The following ASIC2 variants were observed in gnomAD, a reference collection of about 807,000 sequenced individuals.
ASIC2 encodes the protein acid sensing ion channel subunit 2.
Under a neutral mutation model 57.3 loss-of-function variants are expected in ASIC2, and 25 were observed. The observed-to-expected ratio is 0.44, with a 90% CI of 0.32 to 0.61. The LOEUF is 0.61. ASIC2 is among the 20% of genes least tolerant of loss of function. The pLI is 0.06. For missense variants in ASIC2, 641 were observed against 738.1 expected, an observed-to-expected ratio of 0.87 and a Z score of 1.52; for synonymous variants, 319 against 307.5, an observed-to-expected ratio of 1.04 and a Z score of -0.39.
chr17:33,574,291 A>T (rs1368056977), intron 1 of ASIC2, among the ~76,000 whole-genome samples: 1 of 152,150 alleles, frequency 6.6e-6, no homozygotes, highest in Non-Finnish European at 1.5e-5. Context: ...TCCCCTGATG[A>T]TCCACCAGGC....
chr17:33,787,328 G>A (rs920193520), intron 1 of ASIC2, among the ~76,000 whole-genome samples: 1 of 152,226 alleles, frequency 6.6e-6, no homozygotes, highest in Non-Finnish European at 1.5e-5. Flanking sequence ...GGCTCCACCT[G>A]CTGAAGAAGG....
At chr17:33,633,581 G>T (rs938781499) in intron 1 of ASIC2, among the ~76,000 whole-genome samples, 2 of 152,132 alleles carry the variant, frequency 1.3e-5, no homozygotes, top group South Asian at 4.1e-4. Flanking sequence ...TGCAGCCTAC[G>T]CCTGCCATGT....
At chr17:33,288,715 G>GACACACACACACACACACAC (rs56013728) in intron 1 of ASIC2, among the ~76,000 whole-genome samples, 2 of 143,502 alleles carry the variant, frequency 1.4e-5, no homozygotes, top group Non-Finnish European at 3.1e-5. Context: ...AGCTCTCTCT[G>GACACACACACACACACACAC]ACACACACAC....
At chr17:33,946,019 T>A (rs920096156) in intron 1 of ASIC2, among the ~76,000 whole-genome samples, 41 of 152,146 alleles carry the variant, frequency 2.7e-4, no homozygotes, top group African/African-American at 8.9e-4. Context: ...CATCAGACCT[T>A]AGCATACGAC....
intron 1 of ASIC2, among the ~76,000 whole-genome samples, chr17:33,619,129 G>A (rs1181743941): frequency 1.3e-5 from 2 of 152,160 alleles, no homozygotes; most frequent in African/African-American, 4.8e-5. Context: ...TAGGAGGTTT[G>A]CTATACACAG....
intron 1 of ASIC2, among the ~76,000 whole-genome samples, chr17:33,648,548 A>T (rs1906819925): frequency 6.6e-6 from 1 of 152,242 alleles, no homozygotes; most frequent in African/African-American, 2.4e-5. Context: ...GTGGGCAAGG[A>T]TCTTTCTAAG....
chr17:33,292,231 G>C lies in ASIC2; in HGVS notation c.-116C>G. On this transcript the variant is annotated 5_prime_UTR_variant, in exon 1 of 10. Coordinates refer to ENST00000225823, the MANE Select transcript of ASIC2 (RefSeq NM_183377.2). ...CGGCAGCCGCGCGCAGCCCGCGCCA[G>C]GGAAGCGTGCGCCCGAAAGGAGCTC... is the stretch of plus-strand genomic sequence containing the variant. The C allele has an allele frequency of 1.0e-6, 1 of 998,998 alleles. No homozygotes were observed. Among genetic ancestry groups the C allele is most frequent in the African/African-American group, 1.7e-5 (1 of 57,218 alleles). 61.9% of individuals were successfully genotyped at this position (998,998 alleles called of 1,614,324 possible).
At chr17:33,837,430 C>T (rs1310492398) in intron 1 of ASIC2, among the ~76,000 whole-genome samples, 1 of 152,216 alleles carries the variant, frequency 6.6e-6, no homozygotes, top group Non-Finnish European at 1.5e-5. Context: ...TAGACCTTAA[C>T]TGTGATTTAA....
intron 1 of ASIC2, among the ~76,000 whole-genome samples, chr17:33,592,147 A>T (rs1445314116): frequency 1.3e-5 from 2 of 152,186 alleles, no homozygotes; most frequent in Admixed American, 1.3e-4. Context: ...AAGACCAAGG[A>T]GGGCCCCTCC....
At chr17:33,664,126 G>A (rs779251635) in intron 1 of ASIC2, among the ~76,000 whole-genome samples, 2 of 152,118 alleles carry the variant, frequency 1.3e-5, no homozygotes, top group Admixed American at 6.5e-5. Context: ...CACTTACGAC[G>A]TCAGCCTTGG....
intron 1 of ASIC2, among the ~76,000 whole-genome samples, chr17:34,048,229 G>A (rs1438692822): frequency 6.6e-6 from 1 of 152,164 alleles, no homozygotes; most frequent in Non-Finnish European, 1.5e-5. Context: ...ATTTCTAAAT[G>A]TCATGACTTT....
chr17:33,206,715 G>T (rs1907075294), intron 1 of ASIC2, among the ~76,000 whole-genome samples: 1 of 152,174 alleles, frequency 6.6e-6, no homozygotes, highest in African/African-American at 2.4e-5. Context: ...TACAAATAAA[G>T]TGGCTACAGG....
At chr17:33,603,685 G>A (rs1180316113) in intron 1 of ASIC2, among the ~76,000 whole-genome samples, 1 of 152,152 alleles carries the variant, frequency 6.6e-6, no homozygotes, top group African/African-American at 2.4e-5. Flanking sequence ...TGAGATAAAG[G>A]ACTGACCCAT....
chr17:33,488,977 C>T (rs928725426), intron 1 of ASIC2, among the ~76,000 whole-genome samples: 1 of 152,088 alleles, frequency 6.6e-6, no homozygotes, highest in Non-Finnish European at 1.5e-5. Flanking sequence ...ACAGTCCCAA[C>T]CCCTCCCTGA....
chr17:33,978,771 G>C (rs1176697510), intron 1 of ASIC2, among the ~76,000 whole-genome samples: 1 of 152,170 alleles, frequency 6.6e-6, no homozygotes. Flanking sequence ...GGAGGAGTAA[G>C]GAGTGTTAGG....
At chr17:33,803,123 G>C (rs1205856005) in intron 1 of ASIC2, among the ~76,000 whole-genome samples, 1 of 152,146 alleles carries the variant, frequency 6.6e-6, no homozygotes, top group African/African-American at 2.4e-5. Flanking sequence ...TTCAACTTGG[G>C]GTTAAGTGTG....
At chr17:33,584,992 T>G (rs2142001774) in intron 1 of ASIC2, among the ~76,000 whole-genome samples, 1 of 152,152 alleles carries the variant, frequency 6.6e-6, no homozygotes, top group African/African-American at 2.4e-5. Context: ...CATGAGGTAG[T>G]TTCAGTTGGA....
chr17:33,180,974 G>A (rs1158860724), intron 1 of ASIC2, among the ~76,000 whole-genome samples: 3 of 152,062 alleles, frequency 2.0e-5, no homozygotes, highest in African/African-American at 7.2e-5. Flanking sequence ...CATCTCCTTC[G>A]GCAATTCAGA....
chr17:33,525,858 C>T (rs1463778396), intron 1 of ASIC2, among the ~76,000 whole-genome samples: 1 of 152,214 alleles, frequency 6.6e-6, no homozygotes, highest in Non-Finnish European at 1.5e-5. Context: ...GAAGCTTTCC[C>T]AGACCCCACT....
Sources: allele counts gnomAD v4.1 joint callset (sites outside exome capture counted in the v4.1 genomes callset), GRCh38; gene constraint gnomAD v4.1.1; transcripts MANE v1.5; gene names NCBI Gene and HGNC (gene_info 2026-07-23, HGNC 2026-07-21).